MTCL1: variants seen among roughly 807,000 people sequenced by gnomAD.
The protein encoded by MTCL1 is microtubule crosslinking factor 1, also known as microtubule cross-linking factor 1.
In MTCL1, 79 loss-of-function variants were observed where a neutral mutation model predicts 141.4. The ratio of observed to expected loss-of-function variants is 0.56; its 90% CI spans 0.47 to 0.67. The LOEUF (loss-of-function observed/expected upper bound fraction) is 0.67. Ranked by LOEUF, MTCL1 falls within the 30% of genes least tolerant of loss-of-function variation. The probability of loss-of-function intolerance (pLI) is 0.00; values close to 1 mark genes in which losing one functional copy is unlikely to be tolerated. For synonymous variants in MTCL1, 914 were observed against 875.8 expected, an observed-to-expected ratio of 1.04 and a Z score of -0.77; for missense variants, 2,177 against 2,113.9, an observed-to-expected ratio of 1.03 and a Z score of -0.59.
chr18:8,727,895 C>CCTCCCT (rs71168008), intron 4 of MTCL1, among the ~76,000 whole-genome samples: 13 of 142,112 alleles, frequency 9.1e-5, no homozygotes, highest in African/African-American at 2.9e-4. Context: ...TCCCTCCCTC[C>CCTCCCT]CTCTCTCTCT....
chr18:8,716,460 T>C (rs1195151707), upstream of MTCL1, among the ~76,000 whole-genome samples: 1 of 152,184 alleles, frequency 6.6e-6, no homozygotes, highest in Non-Finnish European at 1.5e-5. Flanking sequence ...ATCACCCCAT[T>C]TTGTGCCAAC....
chr18:8,720,155 G>A, intron 3 of MTCL1, 183 bp from the exon 3 acceptor site: 1 of 594,688 alleles, frequency 1.7e-6, no homozygotes, highest in Non-Finnish European at 2.9e-6. Context: ...TAGCCCAGAT[G>A]TTGATTTCAT....
At chr18:8,762,585 A>G (rs765023940) in intron 4 of MTCL1, among the ~76,000 whole-genome samples, 6 of 152,248 alleles carry the variant, frequency 3.9e-5, no homozygotes, top group Non-Finnish European at 7.3e-5. Context: ...GCAGTTTCCT[A>G]CGTGGAGTGA....
intron 4 of MTCL1, among the ~76,000 whole-genome samples, chr18:8,776,939 A>G (rs2096512672): frequency 6.6e-6 from 1 of 152,094 alleles, no homozygotes; most frequent in African/African-American, 2.4e-5. Flanking sequence ...GTTTTTAAAA[A>G]TTATTTTTTG....
rs771769048 is a variant in MTCL1, at chr18:8,807,061, G to A, written c.2604+1G>A. 1 of 1,611,660 alleles carries A rather than the reference G, an allele frequency of 6.2e-7. No individual in the cohort carries two copies. ...CGTGCTCAAGTGCCGTCTGGAACAGGTACCACCCTCCCAGGTCTCCCTCGA... is the reference window on the plus strand; with the variant it reads ...CGTGCTCAAGTGCCGTCTGGAACAGATACCACCCTCCCAGGTCTCCCTCGA... On this transcript the variant is annotated splice_donor_variant, in intron 11 of 16. Transcript: ENST00000359865. LOFTEE classifies it high-confidence loss of function.
intron 4 of MTCL1, among the ~76,000 whole-genome samples, chr18:8,724,639 T>G (rs1424756716): frequency 6.6e-6 from 1 of 152,102 alleles, no homozygotes; most frequent in Non-Finnish European, 1.5e-5. Flanking sequence ...CTTAACTCTT[T>G]TGCATGACAC....
At chr18:8,718,605 A>G (rs1224867005) in exon 3 of MTCL1, 3 of 1,613,772 alleles carry the variant, frequency 1.9e-6, no homozygotes. Flanking sequence ...GAGACGGGTC[A>G]GGTGGATGGT....
At chr18:8,796,877 T>C (rs987685160) in intron 9 of MTCL1, among the ~76,000 whole-genome samples, 5 of 152,230 alleles carry the variant, frequency 3.3e-5, no homozygotes. Context: ...TGTCTACTCT[T>C]TCTTTTTTTA....
chr18:8,762,141 T>C (rs1055555254), intron 4 of MTCL1, among the ~76,000 whole-genome samples: 1 of 152,180 alleles, frequency 6.6e-6, no homozygotes. Flanking sequence ...CCTGTGAGTA[T>C]TGGTGTTCAG....
chr18:8,705,762 A>C lies in MTCL1; in HGVS notation c.102A>C (p.Glu34Asp). The C allele has an allele frequency of 8.3e-7, 1 of 1,200,782 alleles. No individual in the cohort carries two copies. The highest frequency in any genetic ancestry group is 1.0e-6 in the Non-Finnish European group (1 of 967,580). The allele number at this position is 1,200,782 out of a possible 1,614,324, so 74.4% of individuals were successfully genotyped here. ...ACCACCACCTCCACCCGGTGGCCGA[A>C]AGGCGGCGGCTGCACCGTGCGCCCT... The change falls in exon 1 of 14, where the codon GAA becomes GAC. Residue 34 changes from glutamate to aspartate, a missense_variant. Glu to Asp is a conservative substitution (Grantham distance 45). Transcript: ENST00000306329. The surrounding 1 kb of genome is among the most constrained non-coding windows in gnomAD (Gnocchi z 5.2).
chr18:8,705,599 G>GCCT, upstream of MTCL1: 1 of 1,203,298 alleles, frequency 8.3e-7, no homozygotes, highest in Non-Finnish European at 1.0e-6. This position sits in a 1 kb window ranked among gnomAD's most constrained non-coding sequence, Gnocchi z 5.2. Context: ...CGCCGCCGCC[G>GCCT]CCGCCGCCGC....
chr18:8,826,314 C>A, intron 15 of MTCL1, 82 bp downstream of exon 14: 2 of 1,272,306 alleles, frequency 1.6e-6, no homozygotes, highest in Non-Finnish European at 2.1e-6. Flanking sequence ...TGGGATTGTG[C>A]TCTGTCATTT....
intron 8 of MTCL1, among the ~76,000 whole-genome samples, chr18:8,795,784 CAG>C (rs2075895928): frequency 6.6e-6 from 1 of 152,100 alleles, no homozygotes; most frequent in South Asian, 2.1e-4. Context: ...TGTGGGGAGT[CAG>C]GGGGCTCAGG....
Position 8,830,690 on chromosome 18 carries a change from G to A in MTCL1, c.*19-917G>A, listed in dbSNP as rs117982113. 2,879 of 985,418 alleles carry A rather than the reference G, an allele frequency of 2.9e-3. 10 individuals carry two copies. Among genetic ancestry groups the A allele is most frequent in the Non-Finnish European group, 3.0e-3 (2,528 of 829,944 alleles). 61.0% of individuals were successfully genotyped at this position (985,418 alleles called of 1,614,324 possible). A position where few individuals can be genotyped will look rare whatever the true frequency, so the allele number is the denominator to read the frequency against. ...ATTCAGTTCACCTCAAGCTTCCAGT[G>A]TCTGAGTGTCATTCCAGCCAGCGGG... is the stretch of plus-strand genomic sequence containing the variant. On this transcript the variant is annotated intron_variant, in intron 16 of 16. Transcript: ENST00000359865. This position sits in a 1 kb window ranked among gnomAD's most constrained non-coding sequence, Gnocchi z 6.4.
intron 5 of MTCL1, among the ~76,000 whole-genome samples, chr18:8,781,592 C>T (rs945915519): frequency 8.5e-5 from 13 of 152,128 alleles, no homozygotes; most frequent in Admixed American, 7.9e-4. Flanking sequence ...TTTCAGGGAG[C>T]TAGAGCATGG....
intron 4 of MTCL1, among the ~76,000 whole-genome samples, chr18:8,720,811 A>ATT (rs2096166209): frequency 6.6e-6 from 1 of 152,120 alleles, no homozygotes; most frequent in Admixed American, 6.6e-5. Context: ...CCTGGTCTAA[A>ATT]GCTAGTTTTT....
chr18:8,827,101 C>G (rs545488730), intron 15 of MTCL1, among the ~76,000 whole-genome samples: 160 of 152,338 alleles, frequency 1.1e-3, no homozygotes, highest in Admixed American at 3.0e-3. Context: ...TCCGGATGAA[C>G]AGGCTTCACA....
exon 15 of MTCL1, chr18:8,824,748 T>A: frequency 6.2e-7 from 1 of 1,613,938 alleles, no homozygotes; most frequent in Non-Finnish European, 8.5e-7. Context: ...AATGGACATC[T>A]CCCCCTTCCT....
chr18:8,787,605 T>G (rs2075563983), intron 7 of MTCL1, among the ~76,000 whole-genome samples: 1 of 152,272 alleles, frequency 6.6e-6, no homozygotes, highest in South Asian at 2.1e-4. Context: ...CCATCTAGTT[T>G]CTTTTAATTT....
Sources: allele counts gnomAD v4.1 joint callset (sites outside exome capture counted in the v4.1 genomes callset), GRCh38; gene constraint gnomAD v4.1.1; non-coding constraint Gnocchi (gnomAD v3.1); transcripts MANE v1.5; gene names NCBI Gene and HGNC (gene_info 2026-07-23, HGNC 2026-07-21).